The following SETD5 variants were observed in gnomAD, a reference collection of about 807,000 sequenced individuals.
SETD5 encodes the protein SET domain containing 5, also known as histone-lysine N-methyltransferase SETD5.
SETD5 carries 44 observed loss-of-function variants against 153.3 expected under a neutral mutation model. That is an observed-to-expected ratio of 0.29 (90% confidence interval 0.23 to 0.37). SETD5 has a LOEUF of 0.37. Ranked by LOEUF, SETD5 falls within the 10% of genes least tolerant of loss-of-function variation. SETD5 has a pLI of 1.00. For synonymous variants in SETD5, 716 were observed against 645.2 expected, an observed-to-expected ratio of 1.11 and a Z score of -1.66; for missense variants, 1,544 against 1,768.0, an observed-to-expected ratio of 0.87 and a Z score of 2.27.
chr3:9,439,323 GTT>G (rs2040988942), intron 7 of SETD5, among the ~76,000 whole-genome samples: 1 of 152,068 alleles, frequency 6.6e-6, no homozygotes, highest in Non-Finnish European at 1.5e-5. Flanking sequence ...CTATACTCCT[GTT>G]CCTTGCAGAA....
intron 16 of SETD5, among the ~76,000 whole-genome samples, chr3:9,451,658 C>T (rs916520796): frequency 6.6e-6 from 1 of 152,154 alleles, no homozygotes; most frequent in Non-Finnish European, 1.5e-5. Flanking sequence ...GTTTCCTAGG[C>T]TGATCTCAAA....
intron 18 of SETD5, chr3:9,468,428 C>G (rs1462463678): frequency 1.7e-6 from 2 of 1,168,988 alleles, no homozygotes; most frequent in African/African-American, 3.2e-5. Context: ...AAAGTTATGG[C>G]TAACATCTAT....
intron 14 of SETD5, 140 bp from the exon 15 acceptor site, chr3:9,447,546 A>G (rs1040981894): frequency 3.5e-6 from 4 of 1,126,782 alleles, no homozygotes; most frequent in Middle Eastern, 2.6e-4. Context: ...TTTTGTATTT[A>G]AAAATTAGAT....
At chr3:9,422,740 G>T (rs1395316082) in intron 1 of SETD5, among the ~76,000 whole-genome samples, 1 of 152,206 alleles carries the variant, frequency 6.6e-6, no homozygotes, top group Non-Finnish European at 1.5e-5. Flanking sequence ...AATTGAGGAA[G>T]AGAGATTTTG....
intron 16 of SETD5, among the ~76,000 whole-genome samples, chr3:9,451,110 A>G (rs895408427): frequency 2.0e-5 from 3 of 152,222 alleles, no homozygotes; most frequent in Non-Finnish European, 2.9e-5. Context: ...CACAATGTGT[A>G]TAGGGCATTT....
intron 1 of SETD5, among the ~76,000 whole-genome samples, chr3:9,409,181 A>C (rs986857321): frequency 2.0e-5 from 3 of 152,108 alleles, no homozygotes; most frequent in Non-Finnish European, 4.4e-5. Flanking sequence ...CTTTTTGAGA[A>C]TCACTGGCCT....
In SETD5 at chr3:9,445,725, A is replaced by G. The variant is rs2041859260; in HGVS notation, c.1509A>G (p.Leu503=). ...KEEVIDDQEN[L]AHSRRTREDR... ...AGGTTATAGATGACCAGGAGAACCT[A>G]GCTCATAGCAGGAGGGTGAGTACTG... Residue 503 remains leucine (L), a synonymous_variant, in exon 13 of 23, where the codon CTA becomes CTG. Coordinates refer to ENST00000402198, the MANE Select transcript of SETD5 (RefSeq NM_001080517.3). 7 of 1,612,676 alleles carry G rather than the reference A, an allele frequency of 4.3e-6. No homozygotes were observed. The highest frequency in any genetic ancestry group is 1.6e-4 in the Middle Eastern group (1 of 6,070).
At chr3:9,415,217 A>G (rs2037233999) in intron 1 of SETD5, among the ~76,000 whole-genome samples, 2 of 152,226 alleles carry the variant, frequency 1.3e-5, no homozygotes, top group Admixed American at 6.5e-5. Flanking sequence ...CTAATTTATT[A>G]TAAGTTAATT....
chr3:9,398,476 G>C (rs933815255), intron 1 of SETD5: 1 of 151,166 alleles, frequency 6.6e-6, no homozygotes, highest in Admixed American at 6.6e-5. Context: ...CTTCCCTCTC[G>C]TTTTCTGGCT....
chr3:9,401,624 C>T (rs1023667798), intron 1 of SETD5, among the ~76,000 whole-genome samples: 2 of 152,100 alleles, frequency 1.3e-5, no homozygotes, highest in African/African-American at 2.4e-5. Flanking sequence ...TTTGCTTTAT[C>T]CTCTCCATGT....
intron 2 of SETD5, among the ~76,000 whole-genome samples, chr3:9,427,815 T>G (rs1559386168): frequency 6.6e-6 from 1 of 152,216 alleles, no homozygotes; most frequent in Non-Finnish European, 1.5e-5. Flanking sequence ...GTAAAACTAC[T>G]AATGTAAAGT....
intron 13 of SETD5, among the ~76,000 whole-genome samples, chr3:9,446,519 A>G (rs1170177790): frequency 1.3e-5 from 2 of 148,922 alleles, no homozygotes; most frequent in Non-Finnish European, 3.0e-5. Context: ...TTTGAGACCG[A>G]CTCTTGCTCT....
intron 3 of SETD5, 93 bp from the exon 4 acceptor site, chr3:9,433,752 G>A: frequency 7.8e-7 from 1 of 1,285,854 alleles, no homozygotes; most frequent in Non-Finnish European, 1.1e-6. Context: ...TAGTGGTTGT[G>A]GAAAGAGGAG....
intron 2 of SETD5, among the ~76,000 whole-genome samples, chr3:9,424,770 AGAT>A (rs1374424409): frequency 6.6e-6 from 1 of 152,236 alleles, no homozygotes; most frequent in Non-Finnish European, 1.5e-5. Context: ...TACTGCATTT[AGAT>A]GATCTGTTAA....
intron 1 of SETD5, among the ~76,000 whole-genome samples, chr3:9,408,799 G>A (rs910117795): frequency 6.6e-6 from 1 of 152,110 alleles, no homozygotes; most frequent in Admixed American, 6.5e-5. Context: ...ACCTGGAAGA[G>A]CTTTTGTTTG....
chr3:9,465,741 C>T (rs889095510), intron 18 of SETD5, among the ~76,000 whole-genome samples: 1 of 152,176 alleles, frequency 6.6e-6, no homozygotes, highest in African/African-American at 2.4e-5. Flanking sequence ...AAAAAACCTC[C>T]TGGTTACATA....
rs1170120965 is a variant in SETD5, at chr3:9,447,583, A to G, written c.1783-103A>G. 8 of 1,298,776 alleles carry G rather than the reference A, an allele frequency of 6.2e-6. No individual in the cohort carries two copies. In the South Asian group the frequency reaches 7.2e-5, roughly 12 times the overall value. 80.5% of individuals were successfully genotyped at this position (1,298,776 alleles called of 1,614,324 possible). A position where few individuals can be genotyped will look rare whatever the true frequency, so the allele number is the denominator to read the frequency against. The stretch of plus-strand genomic sequence containing the variant: ...TTAAATTAGTGTTTCTAATCCTTAT[A>G]TTTTTCATCAGTAGACATTCTGAAT... On this transcript the variant is annotated intron_variant, in intron 14 of 22. Coordinates refer to ENST00000402198, the MANE Select transcript of SETD5 (RefSeq NM_001080517.3).
At chr3:9,464,404 T>G in intron 17 of SETD5, 21 bp from the exon 18 acceptor site, 1 of 1,599,258 alleles carries the variant, frequency 6.3e-7, no homozygotes, top group Non-Finnish European at 8.6e-7. Context: ...CAAACTCTCA[T>G]CCAAGCTTTG....
intron 3 of SETD5, among the ~76,000 whole-genome samples, chr3:9,432,573 A>G (rs982934211): frequency 2.6e-5 from 4 of 152,194 alleles, no homozygotes; most frequent in South Asian, 2.1e-4. Flanking sequence ...TAATTAATAT[A>G]AATTACAAAT....
Sources: allele counts gnomAD v4.1 joint callset (sites outside exome capture counted in the v4.1 genomes callset), GRCh38; gene constraint gnomAD v4.1.1; transcripts MANE v1.5; gene names NCBI Gene and HGNC (gene_info 2026-07-23, HGNC 2026-07-21).